ENOSF1: variants seen among roughly 807,000 people sequenced by gnomAD.
ENOSF1 encodes mitochondrial enolase superfamily member 1.
A neutral mutation model predicts 68.2 loss-of-function variants in ENOSF1; 73 were observed. The ratio of observed to expected loss-of-function variants is 1.07; its 90% CI spans 0.89 to 1.30. ENOSF1 has a LOEUF of 1.30. Among genes scored for constraint, ENOSF1 ranks in the 50% most tolerant of loss-of-function variants. The pLI is 0.00. For synonymous variants in ENOSF1, 223 were observed against 210.4 expected (o/e 1.06, Z -0.52); for missense variants, 589 against 554.5 (o/e 1.06, Z -0.62).
At chr18:691,347 T>G (rs2077146832) in intron 5 of ENOSF1, 71 bp from the exon 6 acceptor site, 9 of 1,298,738 alleles carry the variant, frequency 6.9e-6, no homozygotes, top group Admixed American at 2.1e-5. Flanking sequence ...TTTTTAAAAT[T>G]TATTATTCTT....
intron 11 of ENOSF1, among the ~76,000 whole-genome samples, chr18:682,059 GGGGA>G: frequency 6.6e-6 from 1 of 152,296 alleles, no homozygotes; most frequent in Admixed American, 6.5e-5. Flanking sequence ...AACACAAAAT[GGGGA>G]GTGTATAGCT....
At chr18:690,411 C>G in intron 8 of ENOSF1, 138 bp downstream of exon 8, 2 of 900,196 alleles carry the variant, frequency 2.2e-6, no homozygotes, top group South Asian at 3.1e-5. Context: ...AAGTGGAGAA[C>G]TGGTTGGCGT....
At chr18:706,422 C>T in intron 2 of ENOSF1, 48 bp downstream of exon 2, 1 of 1,174,200 alleles carries the variant, frequency 8.5e-7, no homozygotes. Context: ...ATTAGAATCT[C>T]ATCTGAAAAT....
chr18:678,360 G>A (rs1207317764), intron 12 of ENOSF1: 1 of 391,854 alleles, frequency 2.6e-6, no homozygotes, highest in Non-Finnish European at 4.6e-6. Flanking sequence ...CTCAAAAAGT[G>A]AACGCAGTCA....
chr18:706,677 G>T, intron 1 of ENOSF1, 99 bp from the exon 2 acceptor site: 1 of 854,888 alleles, frequency 1.2e-6, no homozygotes, highest in South Asian at 1.5e-5. Flanking sequence ...TGCCACAGGG[G>T]CCGTGCCACA....
rs1333447565 is a variant in ENOSF1 at position 674,268 on chromosome 18, T to TCA, written c.*35_*36dup. ...TATTTCCAAGAAATTTTAAGCCCTT[T>TCA]CACTTCAGAAAGAAAAAAGTTGTTG... is the stretch of plus-strand genomic sequence containing the variant. On this transcript the variant is annotated 3_prime_UTR_variant, in exon 16 of 16. Transcript: ENST00000647584. 7.0e-7 allele frequency: 1 copy of TCA among 1,419,960 alleles called. No homozygotes were observed. The highest frequency in any genetic ancestry group is 2.1e-5 in the Admixed American group (1 of 47,430). 88.0% of individuals were successfully genotyped at this position (1,419,960 alleles called of 1,614,324 possible).
At chr18:697,862 C>T (rs1354052540) in intron 2 of ENOSF1, among the ~76,000 whole-genome samples, 2 of 152,132 alleles carry the variant, frequency 1.3e-5, no homozygotes, top group Admixed American at 6.5e-5. Flanking sequence ...GGCACTATCA[C>T]GGCTCACCGC....
intron 2 of ENOSF1, among the ~76,000 whole-genome samples, chr18:701,290 T>A (rs981107616): frequency 6.6e-6 from 1 of 152,122 alleles, no homozygotes; most frequent in Admixed American, 6.6e-5. Flanking sequence ...CTTTGGGTGA[T>A]CATGATGTGC....
chr18:678,029 G>A (rs1370663744), intron 12 of ENOSF1, 157 bp from the exon 13 acceptor site: 2 of 855,850 alleles, frequency 2.3e-6, no homozygotes, highest in African/African-American at 1.7e-5. Context: ...CTGGGCATGA[G>A]GCGAGCTTTT....
intron 11 of ENOSF1, among the ~76,000 whole-genome samples, chr18:682,306 T>A (rs1478836328): frequency 6.6e-6 from 1 of 152,168 alleles, no homozygotes; most frequent in Non-Finnish European, 1.5e-5. Context: ...GCTACAAACC[T>A]GTACAGCATG....
intron 10 of ENOSF1, among the ~76,000 whole-genome samples, chr18:685,303 C>T (rs2076511554): frequency 6.6e-6 from 1 of 151,848 alleles, no homozygotes; most frequent in African/African-American, 2.4e-5. Context: ...CAGCATCTGG[C>T]CAGCCCAGAA....
At chr18:677,936 C>A in intron 12 of ENOSF1, 64 bp from the exon 13 acceptor site, 1 of 1,552,666 alleles carries the variant, frequency 6.4e-7, no homozygotes, top group Non-Finnish European at 8.7e-7. Flanking sequence ...GATCTCTAAA[C>A]CTGGCAACGC....
At chr18:702,638 G>A (rs966709490) in intron 2 of ENOSF1, among the ~76,000 whole-genome samples, 15 of 151,920 alleles carry the variant, frequency 9.9e-5, no homozygotes, top group African/African-American at 2.9e-4. Context: ...TACTCGGGAA[G>A]GTGAGGTGGG....
At position 671,062 on chromosome 18, in the gene ENOSF1, T is replaced by C. The variant is rs2075021151; in HGVS notation, c.*3243A>G. 1.5e-6 allele frequency: 1 copy of C among 648,356 alleles called. No homozygotes were observed. Among genetic ancestry groups the C allele is most frequent in the Admixed American group, 2.9e-5 (1 of 33,992 alleles). 40.2% of individuals were successfully genotyped at this position (648,356 alleles called of 1,614,324 possible). Reference sequence around the variant, plus strand: ...TTTTCTGGCCCTGTGGTATACGCACTAACAGATCTATACAGGTTGTTTGTG... The same window carrying C: ...TTTTCTGGCCCTGTGGTATACGCACCAACAGATCTATACAGGTTGTTTGTG... On this transcript the variant is annotated 3_prime_UTR_variant, in exon 16 of 16. Coordinates refer to ENST00000647584, the MANE Select transcript of ENOSF1 (RefSeq NM_017512.7).
chr18:666,361 G>A (rs1286610297), downstream of ENOSF1, among the ~76,000 whole-genome samples: 4 of 152,080 alleles, frequency 2.6e-5, no homozygotes, highest in Admixed American at 6.5e-5. Context: ...GCGCTGCTGT[G>A]AAGCGCAGTG....
At chr18:688,466 T>A in intron 9 of ENOSF1, 108 bp downstream of exon 9, 2 of 1,466,104 alleles carry the variant, frequency 1.4e-6, no homozygotes, top group Non-Finnish European at 1.9e-6. Context: ...GCCAGGGGGA[T>A]CCTAGCCCGT....
chr18:693,848 C>G, intron 5 of ENOSF1, 34 bp downstream of exon 5: 1 of 1,612,788 alleles, frequency 6.2e-7, no homozygotes, highest in Non-Finnish European at 8.5e-7. Flanking sequence ...ATTTCATTTA[C>G]AGAAACAATT....
chr18:694,015 C>G (rs2077469841), intron 4 of ENOSF1, 107 bp from the exon 5 acceptor site: 2 of 1,256,450 alleles, frequency 1.6e-6, no homozygotes, highest in African/African-American at 3.0e-5. Flanking sequence ...GCCACCAGGT[C>G]CCCACACCCC....
chr18:697,552 AC>A (rs1208606331), intron 2 of ENOSF1, among the ~76,000 whole-genome samples, 197 bp from the exon 3 acceptor site: 2 of 152,178 alleles, frequency 1.3e-5, no homozygotes, highest in Non-Finnish European at 1.5e-5. Context: ...GGAGCTCCAG[AC>A]CAGTCTGGCC....
Sources: allele counts gnomAD v4.1 joint callset (sites outside exome capture counted in the v4.1 genomes callset), GRCh38; gene constraint gnomAD v4.1.1; transcripts MANE v1.5; gene names NCBI Gene and HGNC (gene_info 2026-07-23, HGNC 2026-07-21).